The following KCNIP1 variants were observed in gnomAD, a reference collection of about 807,000 sequenced individuals.
KCNIP1 encodes the protein A-type potassium channel modulatory protein KCNIP1.
Under a neutral mutation model 33.0 loss-of-function variants are expected in KCNIP1, and 18 were observed. The ratio of observed to expected loss-of-function variants is 0.55; its 90% CI spans 0.38 to 0.81. The LOEUF is 0.81. KCNIP1 is among the 30% of genes least tolerant of loss of function. The pLI is 0.00. For missense variants in KCNIP1, 238 were observed against 271.6 expected (o/e 0.88, Z 0.87); for synonymous variants, 93 against 98.3 (o/e 0.95, Z 0.32).
chr5:170,521,510 A>G (rs1352710971), intron 1 of KCNIP1, among the ~76,000 whole-genome samples: 2 of 152,250 alleles, frequency 1.3e-5, no homozygotes, highest in East Asian at 3.8e-4. Context: ...TGTAGAAATC[A>G]TTGAACTTTC....
At chr5:170,707,852 A>G (rs1211345784) in intron 1 of KCNIP1, among the ~76,000 whole-genome samples, 1 of 152,186 alleles carries the variant, frequency 6.6e-6, no homozygotes, top group East Asian at 1.9e-4. Context: ...TGAATGAGAA[A>G]TGTATAAATT....
At chr5:170,361,536 G>A (rs1156404221) in intron 1 of KCNIP1, among the ~76,000 whole-genome samples, 1 of 152,062 alleles carries the variant, frequency 6.6e-6, no homozygotes, top group Non-Finnish European at 1.5e-5. Context: ...GCCAGACCTG[G>A]GTTTGAGTCC....
intron 1 of KCNIP1, among the ~76,000 whole-genome samples, chr5:170,657,535 CT>C (rs1255019403): frequency 2.6e-5 from 4 of 152,188 alleles, no homozygotes; most frequent in Non-Finnish European, 4.4e-5. Flanking sequence ...TCAAATGCCC[CT>C]GACCACCCTT....
At chr5:170,679,642 TG>T (rs1762262612) in intron 1 of KCNIP1, among the ~76,000 whole-genome samples, 3 of 151,642 alleles carry the variant, frequency 2.0e-5, no homozygotes, top group Admixed American at 2.0e-4. Context: ...TGTGTGTGTG[TG>T]TGTGTGTGTG....
At chr5:170,733,163 G>A (rs1764264388) in intron 6 of KCNIP1, among the ~76,000 whole-genome samples, 1 of 152,240 alleles carries the variant, frequency 6.6e-6, no homozygotes, top group Non-Finnish European at 1.5e-5. Context: ...TTGGGGATCA[G>A]GGTAAACACG....
intron 1 of KCNIP1, among the ~76,000 whole-genome samples, chr5:170,635,668 A>C (rs1024457733): frequency 6.6e-6 from 1 of 152,228 alleles, no homozygotes; most frequent in African/African-American, 2.4e-5. Flanking sequence ...GGGCAGGTCC[A>C]GTTTCTGTCT....
chr5:170,540,259 G>A lies in KCNIP1; in HGVS notation c.61+35626G>A, dbSNP rs367981917. On this transcript the variant is annotated intron_variant, in intron 1 of 7. Transcript: ENST00000328939. ...ATGGCTCCCTCAAAGCCTACGTCCT[G>A]TAGAGACAGCAGCTGCTAGGCTTCT... Among the ~76,000 whole-genome samples the A allele has an allele frequency of 2.4e-4, 37 of 152,310 alleles. 1 individual carries two copies. The South Asian group carries it at 7.5e-3, about 31-fold the overall frequency.
chr5:170,555,895 G>A (rs1561684811), intron 1 of KCNIP1, among the ~76,000 whole-genome samples: 3 of 152,174 alleles, frequency 2.0e-5, no homozygotes, highest in African/African-American at 4.8e-5. Flanking sequence ...GGTAATGAGA[G>A]GAAATTGCCA....
chr5:170,691,914 C>T (rs188210985), intron 1 of KCNIP1, among the ~76,000 whole-genome samples: 3 of 152,302 alleles, frequency 2.0e-5, no homozygotes, highest in Admixed American at 1.3e-4. Context: ...GACCTGTTTA[C>T]ATGGAACTGC....
At chr5:170,527,148 C>A (rs1439065277) in intron 1 of KCNIP1, among the ~76,000 whole-genome samples, 2 of 152,200 alleles carry the variant, frequency 1.3e-5, no homozygotes, top group Non-Finnish European at 2.9e-5. Flanking sequence ...CCAAAACTCC[C>A]TTGCTCCTAA....
At chr5:170,664,815 G>A (rs564320305) in intron 1 of KCNIP1, among the ~76,000 whole-genome samples, 1 of 152,196 alleles carries the variant, frequency 6.6e-6, no homozygotes, top group Non-Finnish European at 1.5e-5. Flanking sequence ...AGAGAGCATG[G>A]GGGCATTGAT....
At chr5:170,712,864 G>T in intron 1 of KCNIP1, 1 of 1,614,006 alleles carries the variant, frequency 6.2e-7, no homozygotes, top group Non-Finnish European at 8.5e-7. Context: ...ACATCGCCTG[G>T]TGGTATTACC....
At chr5:170,372,888 T>C (rs1369688219) in intron 1 of KCNIP1, among the ~76,000 whole-genome samples, 2 of 152,164 alleles carry the variant, frequency 1.3e-5, no homozygotes, top group South Asian at 2.1e-4. Flanking sequence ...TTGTTTTATG[T>C]GTACTGGGGA....
At chr5:170,485,271 C>G (rs1355746152) in intron 1 of KCNIP1, among the ~76,000 whole-genome samples, 1 of 152,316 alleles carries the variant, frequency 6.6e-6, no homozygotes, top group East Asian at 1.9e-4. Context: ...CTACACAACC[C>G]TGGCCTGGCC....
At chr5:170,715,817 A>G (rs1396484687) in intron 1 of KCNIP1, among the ~76,000 whole-genome samples, 1 of 152,162 alleles carries the variant, frequency 6.6e-6, no homozygotes, top group Non-Finnish European at 1.5e-5. Flanking sequence ...CTAGCTCATC[A>G]TTATTTTTTA....
intron 1 of KCNIP1, among the ~76,000 whole-genome samples, chr5:170,623,106 C>A (rs1267235568): frequency 6.6e-6 from 1 of 152,190 alleles, no homozygotes; most frequent in South Asian, 2.1e-4. Flanking sequence ...CTGACAGGAG[C>A]GGAGCTCAGG....
chr5:170,368,038 A>G (rs1384440902), intron 1 of KCNIP1, among the ~76,000 whole-genome samples: 1 of 152,242 alleles, frequency 6.6e-6, no homozygotes, highest in African/African-American at 2.4e-5. Context: ...ACAATATTAA[A>G]CTGTTGAAAA....
At chr5:170,393,977 C>T (rs1754685931) in intron 1 of KCNIP1, among the ~76,000 whole-genome samples, 2 of 152,162 alleles carry the variant, frequency 1.3e-5, no homozygotes, top group African/African-American at 4.8e-5. Flanking sequence ...CAAATCATCC[C>T]AGCTCTGTGG....
At chr5:170,530,177 C>T (rs951934285) in intron 1 of KCNIP1, among the ~76,000 whole-genome samples, 17 of 151,724 alleles carry the variant, frequency 1.1e-4, no homozygotes, top group African/African-American at 4.1e-4. Flanking sequence ...GCTCATGGCT[C>T]ATAACATGTT....
Sources: allele counts gnomAD v4.1 joint callset (sites outside exome capture counted in the v4.1 genomes callset), GRCh38; gene constraint gnomAD v4.1.1; transcripts MANE v1.5; gene names NCBI Gene and HGNC (gene_info 2026-07-23, HGNC 2026-07-21).